SOX5: variants seen among roughly 807,000 people sequenced by gnomAD.
SOX5 encodes transcription factor SOX-5.
SOX5 carries 9 observed loss-of-function variants against 92.0 expected under a neutral mutation model. The observed-to-expected ratio is 0.10, with a 90% CI of 0.06 to 0.17. The LOEUF (loss-of-function observed/expected upper bound fraction) is 0.17, where lower values mean the gene tolerates loss of function less well. Among genes scored for constraint, SOX5 ranks in the 10% least tolerant of loss-of-function variants. The pLI, the probability that SOX5 is intolerant of heterozygous loss-of-function variation, is 1.00. For synonymous variants in SOX5, 344 were observed against 336.3 expected, an observed-to-expected ratio of 1.02 and a Z score of -0.25; for missense variants, 642 against 944.5, an observed-to-expected ratio of 0.68 and a Z score of 4.20.
In SOX5 at chr12:23,693,192, C is replaced by T. The variant is rs891813155; in HGVS notation, c.811-27628G>A. On this transcript the variant is annotated intron_variant, in intron 6 of 14. Coordinates refer to ENST00000451604, the MANE Select transcript of SOX5 (RefSeq NM_006940.6). ...GGCTGGAGTGCAAGTGGCACGATCTCGGCTCACTGCAGTCTCTACCTCCTG... is the reference window on the plus strand; with the variant it reads ...GGCTGGAGTGCAAGTGGCACGATCTTGGCTCACTGCAGTCTCTACCTCCTG... Among the ~76,000 whole-genome samples the T allele has an allele frequency of 1.6e-4, 25 of 152,096 alleles. No individual in the cohort carries two copies. In the South Asian group the frequency reaches 1.9e-3, roughly 11 times the overall value.
intron 4 of SOX5, among the ~76,000 whole-genome samples, chr12:23,968,656 C>A (rs750681037): frequency 6.6e-6 from 1 of 152,208 alleles, no homozygotes. Flanking sequence ...CAATAAATTT[C>A]TTTTCATTAT....
At chr12:23,759,984 G>C (rs2094519579) in intron 3 of SOX5, among the ~76,000 whole-genome samples, 1 of 151,738 alleles carries the variant, frequency 6.6e-6, no homozygotes, top group African/African-American at 2.4e-5. Flanking sequence ...ATGTATTTAT[G>C]AGTTTCTTCT....
chr12:23,971,342 T>G (rs1591934636), intron 4 of SOX5, among the ~76,000 whole-genome samples: 1 of 151,686 alleles, frequency 6.6e-6, no homozygotes, highest in South Asian at 2.1e-4. Flanking sequence ...CAGGAAGGTC[T>G]AGATCTCCTG....
intron 4 of SOX5, among the ~76,000 whole-genome samples, chr12:24,178,626 C>T (rs886294309): frequency 6.6e-6 from 1 of 152,012 alleles, no homozygotes; most frequent in African/African-American, 2.4e-5. Flanking sequence ...CAGATTTGGC[C>T]CTTTGGTTAA....
At chr12:23,767,249 T>C (rs34441839) in intron 3 of SOX5, among the ~76,000 whole-genome samples, 7,513 of 102,634 alleles carry the variant, frequency 0.073, 251 homozygotes, top group Non-Finnish European at 0.12. Flanking sequence ...CACACACACA[T>C]ATATATATTC....
chr12:24,541,214 G>A (rs1952097380), intron 1 of SOX5, among the ~76,000 whole-genome samples: 1 of 152,176 alleles, frequency 6.6e-6, no homozygotes, highest in South Asian at 2.1e-4. Flanking sequence ...ACTAATGTAT[G>A]CACAGTTCCA....
chr12:23,733,096 T>C (rs1221595540), intron 6 of SOX5, among the ~76,000 whole-genome samples: 1 of 152,178 alleles, frequency 6.6e-6, no homozygotes, highest in Non-Finnish European at 1.5e-5. Flanking sequence ...TCGGAACAGT[T>C]TATTGAGCCT....
chr12:23,827,264 C>T (rs1026872183), intron 3 of SOX5, among the ~76,000 whole-genome samples: 1 of 152,120 alleles, frequency 6.6e-6, no homozygotes, highest in African/African-American at 2.4e-5. Flanking sequence ...ACAAATTAAA[C>T]TGTCTATCAT....
At chr12:24,511,790 C>T (rs775742899) in intron 1 of SOX5, among the ~76,000 whole-genome samples, 1 of 151,986 alleles carries the variant, frequency 6.6e-6, no homozygotes, top group Non-Finnish European at 1.5e-5. Context: ...AACCCCGTCT[C>T]TACTAAAACT....
intron 4 of SOX5, among the ~76,000 whole-genome samples, chr12:24,102,458 C>T (rs867768213): frequency 6.6e-6 from 1 of 152,136 alleles, no homozygotes; most frequent in African/African-American, 2.4e-5. Flanking sequence ...AGCAAAGGTG[C>T]TTTTAATTGG....
intron 3 of SOX5, among the ~76,000 whole-genome samples, chr12:24,222,274 G>A (rs1465480098): frequency 6.6e-6 from 1 of 152,052 alleles, no homozygotes; most frequent in African/African-American, 2.4e-5. Context: ...TTATTTCCAG[G>A]GCTATGTTAA....
chr12:24,010,790 T>C (rs1952825082), intron 4 of SOX5, among the ~76,000 whole-genome samples: 1 of 151,572 alleles, frequency 6.6e-6, no homozygotes, highest in Non-Finnish European at 1.5e-5. Flanking sequence ...CAAAAAAAAA[T>C]TAGCCCGGTG....
chr12:23,839,275 T>C (rs768179664), intron 3 of SOX5, among the ~76,000 whole-genome samples: 2 of 152,136 alleles, frequency 1.3e-5, no homozygotes, highest in Non-Finnish European at 2.9e-5. Context: ...TAAGAGTCTA[T>C]GTATCCACTT....
chr12:23,583,762 G>A (rs1247892665), intron 9 of SOX5, among the ~76,000 whole-genome samples: 1 of 152,080 alleles, frequency 6.6e-6, no homozygotes, highest in East Asian at 1.9e-4. Context: ...AGAAATTAAA[G>A]AGTTGATCAC....
At chr12:23,645,484 T>C (rs1379799589) in intron 7 of SOX5, among the ~76,000 whole-genome samples, 1 of 152,126 alleles carries the variant, frequency 6.6e-6, no homozygotes, top group Non-Finnish European at 1.5e-5. Context: ...AGAGCTTAAG[T>C]AGTAGGAAGT....
At chr12:24,476,838 A>G (rs368647229) in intron 1 of SOX5, among the ~76,000 whole-genome samples, 7 of 152,092 alleles carry the variant, frequency 4.6e-5, no homozygotes, top group Non-Finnish European at 1.0e-4. Context: ...AGTGATACTG[A>G]AGAACTAGTC....
intron 1 of SOX5, among the ~76,000 whole-genome samples, chr12:24,545,073 G>C (rs1000317153): frequency 2.0e-5 from 3 of 152,018 alleles, no homozygotes; most frequent in Non-Finnish European, 4.4e-5. Context: ...ACGTCCACCT[G>C]GGAACCTGAA....
intron 1 of SOX5, among the ~76,000 whole-genome samples, chr12:24,479,430 A>G (rs1333268964): frequency 1.3e-5 from 2 of 152,348 alleles, no homozygotes; most frequent in African/African-American, 4.8e-5. Flanking sequence ...ATAAATATGT[A>G]TGACCTCATT....
intron 4 of SOX5, among the ~76,000 whole-genome samples, chr12:24,024,006 CAG>C (rs1569500937): frequency 6.6e-6 from 1 of 151,922 alleles, no homozygotes; most frequent in South Asian, 2.1e-4. Context: ...TTTTGAAATC[CAG>C]AGTCTCAGAT....
Sources: allele counts gnomAD v4.1 joint callset (sites outside exome capture counted in the v4.1 genomes callset), GRCh38; gene constraint gnomAD v4.1.1; transcripts MANE v1.5; gene names NCBI Gene and HGNC (gene_info 2026-07-23, HGNC 2026-07-21).